The following DOCK8 variants were observed in gnomAD, a reference collection of about 807,000 sequenced individuals.
DOCK8 encodes dedicator of cytokinesis protein 8.
DOCK8 carries 141 observed loss-of-function variants against 245.6 expected under a neutral mutation model. The observed-to-expected ratio is 0.57, with a 90% CI of 0.50 to 0.66. The LOEUF is 0.66. Ranked by LOEUF, DOCK8 falls within the 30% of genes least tolerant of loss-of-function variation. The probability of loss-of-function intolerance (pLI) is 0.00; values close to 1 mark genes in which losing one functional copy is unlikely to be tolerated. For synonymous variants in DOCK8, 1,168 were observed against 970.2 expected (o/e 1.20, Z -3.79); for missense variants, 2,965 against 2,603.4 (o/e 1.14, Z -3.02).
chr9:296,985 C>T (rs2049285103), intron 4 of DOCK8, among the ~76,000 whole-genome samples: 3 of 152,244 alleles, frequency 2.0e-5, no homozygotes, highest in South Asian at 2.1e-4. Context: ...GCATCCTCAC[C>T]GTGTTTGGGC....
At chr9:282,413 G>GTTTTTTTTTTTTTTTTTT (rs58014606) in intron 2 of DOCK8, among the ~76,000 whole-genome samples, 2 of 131,766 alleles carry the variant, frequency 1.5e-5, no homozygotes, top group African/African-American at 2.8e-5. Context: ...GTTTCGTTTT[G>GTTTTTTTTTTTTTTTTTT]TTTTTTTTTT....
rs142468387 is a variant in DOCK8, at chr9:397,513, A to G, written c.3120+579A>G. Reference sequence around the variant, plus strand: ...AGACCAGCCTGGCCAACATGTTGAAACCCCGTCTCTACTAAAAATATGGAA... The same window carrying G: ...AGACCAGCCTGGCCAACATGTTGAAGCCCCGTCTCTACTAAAAATATGGAA... On this transcript the variant is annotated intron_variant, in intron 25 of 47. Transcript: ENST00000432829. Among the ~76,000 whole-genome samples, 189 of 151,838 alleles carry G rather than the reference A, an allele frequency of 1.2e-3. 6 individuals are homozygous for G. In the East Asian group the frequency reaches 0.03, roughly 24 times the overall value.
At chr9:416,064 C>G (rs1385999970) in intron 29 of DOCK8, among the ~76,000 whole-genome samples, 4 of 152,156 alleles carry the variant, frequency 2.6e-5, no homozygotes, top group African/African-American at 9.7e-5. Flanking sequence ...AAAAAATCCT[C>G]TAGCAAACTG....
rs1374757203 is a variant in DOCK8 at position 371,048 on chromosome 9, G to A, written c.1869-380G>A. Among the ~76,000 whole-genome samples, 4 of 152,294 alleles carry A rather than the reference G, an allele frequency of 2.6e-5. No individual in the cohort carries two copies. The South Asian group carries it at 8.3e-4, about 32-fold the overall frequency. On this transcript the variant is annotated intron_variant, in intron 16 of 47. Transcript: ENST00000432829. ...CATTCATTTGCTTCTACTCTTTGAT[G>A]AGTGCAGCTAGGTGCTAGGCTTGGT...
chr9:400,124 TCTTCACCATCACCACCA>T (rs2054749858), intron 26 of DOCK8, among the ~76,000 whole-genome samples: 2 of 15,504 alleles, frequency 1.3e-4, no homozygotes, highest in African/African-American at 3.9e-4. Flanking sequence ...ACCACCAGCA[TCTTCACCATCACCACCA>T]CCTCCACCAT....
chr9:257,945 C>T (rs2047819705), intron 1 of DOCK8, among the ~76,000 whole-genome samples: 1 of 152,198 alleles, frequency 6.6e-6, no homozygotes, highest in South Asian at 2.1e-4. Flanking sequence ...GGTCCCAGGA[C>T]CACATTTTGA....
At chr9:347,261 T>C (rs2051937666) in intron 14 of DOCK8, among the ~76,000 whole-genome samples, 1 of 152,090 alleles carries the variant, frequency 6.6e-6, no homozygotes, top group African/African-American at 2.4e-5. Flanking sequence ...CCCAGCACTT[T>C]GGGAGGCCGA....
chr9:340,163 G>A lies in DOCK8; in HGVS notation c.1521G>A (p.Leu507=). 1 of 1,614,018 alleles carries A rather than the reference G, an allele frequency of 6.2e-7. No homozygotes were observed. The highest frequency in any genetic ancestry group is 8.5e-7 in the Non-Finnish European group (1 of 1,179,960). Residue 507 remains leucine, a synonymous_variant, in exon 14 of 48, where the codon TTG becomes TTA. Transcript: ENST00000432829. ...ATTCCTATTTTCTCTCTTTAGGCTT[G>A]CTAAGACTGGAGATTTCTACAGCTC... ...LQRRVKSIPG[L]LRLEISTAPE... is the part of the protein sequence containing the mutation.
At chr9:458,846 G>A (rs10974576) in intron 46 of DOCK8, among the ~76,000 whole-genome samples, 4 of 151,664 alleles carry the variant, frequency 2.6e-5, no homozygotes, top group African/African-American at 9.7e-5. Context: ...TGCAGGGGGG[G>A]TGAGGGCAGC....
chr9:251,265 T>A (rs2047637888), intron 1 of DOCK8, among the ~76,000 whole-genome samples: 1 of 152,196 alleles, frequency 6.6e-6, no homozygotes, highest in East Asian at 1.9e-4. Context: ...AGAGACAAAC[T>A]ACACAAAAAG....
At chr9:247,360 G>A (rs2131443186) in intron 1 of DOCK8, among the ~76,000 whole-genome samples, 1 of 152,138 alleles carries the variant, frequency 6.6e-6, no homozygotes, top group Non-Finnish European at 1.5e-5. Flanking sequence ...GTGAGCTTGT[G>A]GAATTTACTT....
intron 1 of DOCK8, among the ~76,000 whole-genome samples, chr9:237,448 A>G (rs1038266534): frequency 2.0e-5 from 3 of 152,250 alleles, no homozygotes; most frequent in Non-Finnish European, 2.9e-5. Context: ...TCAGCTCAGG[A>G]GTTCAAGACC....
intron 1 of DOCK8, among the ~76,000 whole-genome samples, chr9:235,993 C>G (rs910570025): frequency 6.6e-6 from 1 of 152,222 alleles, no homozygotes; most frequent in Non-Finnish European, 1.5e-5. Flanking sequence ...TTCTGTGTCG[C>G]TCACGCTGGG....
At chr9:386,138 C>T (rs982909428) in intron 22 of DOCK8, among the ~76,000 whole-genome samples, 193 bp from the exon 23 acceptor site, 2 of 152,132 alleles carry the variant, frequency 1.3e-5, no homozygotes, top group Admixed American at 6.5e-5. Context: ...GGTGTTGTCT[C>T]AAGAGCAAGT....
chr9:359,312 G>C (rs1383752951), intron 14 of DOCK8, among the ~76,000 whole-genome samples: 1 of 152,196 alleles, frequency 6.6e-6, no homozygotes. Flanking sequence ...GATTTGAATT[G>C]CAGTGTGCCA....
intron 44 of DOCK8, among the ~76,000 whole-genome samples, chr9:448,429 C>A (rs4741958): frequency 0.67 from 102,472 of 152,066 alleles, 36,055 homozygotes; most frequent in East Asian, 0.99. Context: ...GGCCTTCCTT[C>A]GTTCCCCAAC....
intron 14 of DOCK8, among the ~76,000 whole-genome samples, chr9:356,886 A>G (rs1354629196): frequency 6.6e-6 from 1 of 152,168 alleles, no homozygotes; most frequent in Admixed American, 6.5e-5. Flanking sequence ...TTTAGAAATC[A>G]TTTTCAATCA....
intron 5 of DOCK8, among the ~76,000 whole-genome samples, chr9:311,115 A>G (rs1368705194): frequency 1.3e-5 from 2 of 151,978 alleles, no homozygotes; most frequent in Non-Finnish European, 2.9e-5. Context: ...GTGAAACCCT[A>G]TCTCTACTAA....
chr9:342,307 T>C (rs1586748157), intron 14 of DOCK8, among the ~76,000 whole-genome samples: 1 of 145,942 alleles, frequency 6.9e-6, no homozygotes, highest in Non-Finnish European at 1.5e-5. Flanking sequence ...CTTTTTTTTT[T>C]TTTTTTTGTT....
Sources: allele counts gnomAD v4.1 joint callset (sites outside exome capture counted in the v4.1 genomes callset), GRCh38; gene constraint gnomAD v4.1.1; transcripts MANE v1.5; gene names NCBI Gene and HGNC (gene_info 2026-07-23, HGNC 2026-07-21).